Variants in TENM4 observed in about 807,000 individuals in gnomAD.
TENM4 encodes teneurin transmembrane protein 4.
TENM4 carries 82 observed loss-of-function variants against 243.3 expected under a neutral mutation model. That is an observed-to-expected ratio of 0.34 (90% CI 0.28 to 0.40). TENM4 has a LOEUF of 0.40. TENM4 is among the 10% of genes least tolerant of loss of function. The probability of loss-of-function intolerance (pLI) is 1.00; values close to 1 mark genes in which losing one functional copy is unlikely to be tolerated. For missense variants in TENM4, 3,138 were observed against 3,673.3 expected (o/e 0.85, Z 3.77); for synonymous variants, 1,412 against 1,456.3 (o/e 0.97, Z 0.69).
intron 2 of TENM4, among the ~76,000 whole-genome samples, chr11:79,249,649 T>C (rs1173978964): frequency 6.6e-6 from 1 of 152,180 alleles, no homozygotes; most frequent in Non-Finnish European, 1.5e-5. Flanking sequence ...CTACACCAAC[T>C]CCTTTACTTT....
chr11:79,242,335 A>G (rs762880581), intron 2 of TENM4, among the ~76,000 whole-genome samples: 3 of 152,194 alleles, frequency 2.0e-5, no homozygotes, highest in Non-Finnish European at 4.4e-5. Context: ...TGAGGCTTAA[A>G]TAAATACCCA....
intron 3 of TENM4, among the ~76,000 whole-genome samples, chr11:79,181,295 A>G (rs1863277499): frequency 6.6e-6 from 1 of 152,188 alleles, no homozygotes; most frequent in Non-Finnish European, 1.5e-5. Context: ...ACATTCAAAA[A>G]CTGATTAATA....
intron 3 of TENM4, among the ~76,000 whole-genome samples, chr11:79,157,978 C>A (rs1205612289): frequency 6.6e-6 from 1 of 152,176 alleles, no homozygotes; most frequent in Non-Finnish European, 1.5e-5. Flanking sequence ...GCAGAATCGT[C>A]CTCATTCCAC....
chr11:78,938,411 A>G (rs1856829476), intron 6 of TENM4, among the ~76,000 whole-genome samples: 1 of 152,190 alleles, frequency 6.6e-6, no homozygotes, highest in Non-Finnish European at 1.5e-5. Context: ...CAGAGCATCT[A>G]TCTTAAGGAA....
chr11:79,090,587 C>T (rs1365132501), intron 4 of TENM4, among the ~76,000 whole-genome samples: 1 of 152,212 alleles, frequency 6.6e-6, no homozygotes, highest in East Asian at 1.9e-4. Flanking sequence ...CAGAGACGCT[C>T]AGGACTTAGC....
At chr11:79,099,032 G>C (rs60774735) in intron 4 of TENM4, among the ~76,000 whole-genome samples, 1,808 of 152,252 alleles carry the variant, frequency 0.012, 36 homozygotes, top group African/African-American at 0.041. Flanking sequence ...ATAAATATAC[G>C]CATTTTTTTC....
chr11:79,390,513 G>A (rs1179126472), intron 1 of TENM4, among the ~76,000 whole-genome samples: 2 of 152,200 alleles, frequency 1.3e-5, no homozygotes, highest in East Asian at 1.9e-4. Flanking sequence ...ATAACAGTCA[G>A]GGCAGGTACT....
At chr11:78,965,427 GAC>G (rs1424058465) in intron 6 of TENM4, among the ~76,000 whole-genome samples, 12 of 152,006 alleles carry the variant, frequency 7.9e-5, no homozygotes, top group South Asian at 2.1e-4. Flanking sequence ...ATTAACCAAA[GAC>G]ACAATATAAT....
At chr11:79,416,273 G>T (rs1858811717) in intron 1 of TENM4, among the ~76,000 whole-genome samples, 1 of 152,086 alleles carries the variant, frequency 6.6e-6, no homozygotes, top group Admixed American at 6.5e-5. Context: ...GGAATGGCTG[G>T]GTCACAAGGT....
intron 1 of TENM4, among the ~76,000 whole-genome samples, chr11:79,384,178 A>G (rs1858062196): frequency 6.6e-6 from 1 of 152,222 alleles, no homozygotes; most frequent in Admixed American, 6.5e-5. Flanking sequence ...ATGAATAGAA[A>G]CTGAACATAG....
chr11:78,765,784 G>A (rs1384200059), intron 18 of TENM4, among the ~76,000 whole-genome samples: 2 of 152,194 alleles, frequency 1.3e-5, no homozygotes, highest in African/African-American at 2.4e-5. Context: ...GATGATGTAC[G>A]CAGAGCGTCT....
intron 2 of TENM4, among the ~76,000 whole-genome samples, chr11:79,268,822 C>A (rs968515582): frequency 2.0e-5 from 3 of 152,168 alleles, no homozygotes; most frequent in African/African-American, 4.8e-5. Context: ...AAATGTCCAC[C>A]AAGCATAGTG....
chr11:78,900,722 G>C (rs1855909926), intron 7 of TENM4, among the ~76,000 whole-genome samples: 1 of 152,144 alleles, frequency 6.6e-6, no homozygotes, highest in Admixed American at 6.5e-5. Flanking sequence ...TGGCCAGCTA[G>C]TAAGCGTTAA....
intron 3 of TENM4, among the ~76,000 whole-genome samples, chr11:79,183,045 T>C (rs1863314105): frequency 6.6e-6 from 1 of 152,178 alleles, no homozygotes; most frequent in Non-Finnish European, 1.5e-5. Flanking sequence ...ATCCAGCAGC[T>C]GCACTCCTTG....
In TENM4 at chr11:78,728,472, CT is replaced by C. The variant is rs1301341617; in HGVS notation, c.3406+903del. On this transcript the variant is annotated intron_variant, in intron 22 of 33. Transcript: ENST00000278550. ...ACCTCTCTCCTCCTCTTCTTCCCCC[CT>C]CTTCCTCCCTCCCTTCCTTGCTTCT... Among the ~76,000 whole-genome samples the C allele has an allele frequency of 3.3e-5, 5 of 152,044 alleles. No homozygotes were observed. In the South Asian group the frequency reaches 8.3e-4, roughly 25 times the overall value.
intron 6 of TENM4, among the ~76,000 whole-genome samples, chr11:79,020,226 C>T (rs998683673): frequency 6.6e-6 from 1 of 152,210 alleles, no homozygotes; most frequent in Non-Finnish European, 1.5e-5. Context: ...AGCAGGGCAG[C>T]TGGGACCAGC....
intron 19 of TENM4, among the ~76,000 whole-genome samples, chr11:78,748,287 A>G (rs779240959): frequency 6.6e-6 from 1 of 152,184 alleles, no homozygotes; most frequent in Non-Finnish European, 1.5e-5. Flanking sequence ...AATCCCCATG[A>G]GATATGGATT....
In TENM4 at chr11:78,674,670, G is replaced by C. The variant is rs958142441; in HGVS notation, c.5496+1482C>G. On this transcript the variant is annotated intron_variant, in intron 30 of 33. Coordinates refer to ENST00000278550, the MANE Select transcript of TENM4 (RefSeq NM_001098816.3). ...ATGCAGGAGTCTGCGAATTCAGACG[G>C]GGGAGCTCAGTGAGGCCACAGAGAA... Among the ~76,000 whole-genome samples, 3 of 151,850 alleles carry C rather than the reference G, an allele frequency of 2.0e-5. No homozygotes were observed. The East Asian group carries it at 5.8e-4, about 29-fold the overall frequency.
At chr11:79,282,378 C>T (rs935893403) in intron 2 of TENM4, among the ~76,000 whole-genome samples, 2 of 152,130 alleles carry the variant, frequency 1.3e-5, no homozygotes, top group African/African-American at 2.4e-5. Context: ...CTTCATAAAT[C>T]GTTGCTGAAT....
Sources: gnomAD v4.1 joint callset for allele counts (sites outside exome capture counted in the v4.1 genomes callset) on GRCh38, gnomAD v4.1.1 for gene constraint, MANE v1.5 for transcripts, NCBI Gene and HGNC (gene_info 2026-07-23, HGNC 2026-07-21) for gene names.